ZFHX3: variants seen among roughly 807,000 people sequenced by gnomAD.
The protein encoded by ZFHX3 is zinc finger homeobox 3.
A neutral mutation model predicts 279.1 loss-of-function variants in ZFHX3; 42 were observed. The observed-to-expected ratio is 0.15, with a 90% CI of 0.12 to 0.19. The LOEUF (loss-of-function observed/expected upper bound fraction) is 0.19, where lower values mean the gene tolerates loss of function less well. Ranked by LOEUF, ZFHX3 falls within the 10% of genes least tolerant of loss-of-function variation. The pLI is 1.00. For missense variants in ZFHX3, 4,981 were observed against 4,754.0 expected (o/e 1.05, Z -1.40); for synonymous variants, 2,293 against 1,957.8 (o/e 1.17, Z -4.52).
chr16:73,190,457 A>G (rs1338903996), intron 5 of ZFHX3, among the ~76,000 whole-genome samples: 1 of 152,208 alleles, frequency 6.6e-6, no homozygotes, highest in Non-Finnish European at 1.5e-5. Context: ...AAAGAAGAAC[A>G]ATTTCAGTTT....
At chr16:72,890,825 C>T (rs1307274492) in intron 3 of ZFHX3, among the ~76,000 whole-genome samples, 2 of 152,252 alleles carry the variant, frequency 1.3e-5, no homozygotes, top group Non-Finnish European at 2.9e-5. Flanking sequence ...CATTGATTTA[C>T]ATACTGTCTA....
chr16:73,680,837 G>T (rs2053002738), intron 1 of ZFHX3, among the ~76,000 whole-genome samples: 2 of 152,106 alleles, frequency 1.3e-5, no homozygotes, highest in East Asian at 3.9e-4. Context: ...CTTCATCTGT[G>T]CGTGTGAGTG....
At chr16:73,081,086 C>A (rs1005752703) in intron 8 of ZFHX3, among the ~76,000 whole-genome samples, 2 of 152,150 alleles carry the variant, frequency 1.3e-5, no homozygotes, top group Admixed American at 6.5e-5. Flanking sequence ...CTTTTGAATT[C>A]TTTATCTTGC....
chr16:73,763,618 C>T (rs2053895755), intron 1 of ZFHX3, among the ~76,000 whole-genome samples: 1 of 152,168 alleles, frequency 6.6e-6, no homozygotes, highest in South Asian at 2.1e-4. Flanking sequence ...CAATGAGTCA[C>T]ACTCTCATAT....
chr16:73,086,697 G>A (rs902353602), intron 8 of ZFHX3, among the ~76,000 whole-genome samples: 3 of 152,104 alleles, frequency 2.0e-5, no homozygotes, highest in Non-Finnish European at 2.9e-5. Context: ...GAATACAGGA[G>A]TTCAAGACCA....
intron 3 of ZFHX3, among the ~76,000 whole-genome samples, chr16:73,408,865 C>G (rs1412990779): frequency 6.6e-6 from 1 of 152,032 alleles, no homozygotes; most frequent in Non-Finnish European, 1.5e-5. Flanking sequence ...TCCAGCGAGG[C>G]AACCGAAGTT....
intron 2 of ZFHX3, among the ~76,000 whole-genome samples, chr16:73,602,817 G>A (rs932384539): frequency 5.4e-5 from 8 of 148,786 alleles, no homozygotes; most frequent in African/African-American, 1.3e-4. Context: ...CGTGGTAGCG[G>A]GCACCTGTAA....
chr16:73,746,511 C>T (rs1038361461), intron 1 of ZFHX3, among the ~76,000 whole-genome samples: 1 of 152,198 alleles, frequency 6.6e-6, no homozygotes, highest in African/African-American at 2.4e-5. Context: ...CCAGGGCCAA[C>T]AATTAGAAAA....
At chr16:73,333,297 C>G (rs111072694) in intron 3 of ZFHX3, among the ~76,000 whole-genome samples, 21,023 of 151,884 alleles carry the variant, frequency 0.14, 3,144 homozygotes, top group East Asian at 0.36. Flanking sequence ...ACGTAGTAGA[C>G]AGACACATAA....
chr16:73,030,828 T>C (rs944220470), intron 1 of ZFHX3, among the ~76,000 whole-genome samples: 4 of 152,154 alleles, frequency 2.6e-5, no homozygotes, highest in Admixed American at 2.0e-4. Flanking sequence ...AGGGATTCCA[T>C]TTTCCATAAA....
chr16:73,516,161 C>G (rs572574677), intron 2 of ZFHX3, among the ~76,000 whole-genome samples: 3 of 152,148 alleles, frequency 2.0e-5, no homozygotes, highest in South Asian at 2.1e-4. Context: ...ACAAGTCACA[C>G]GAATTGCTAA....
At chr16:73,392,639 A>G (rs1411672100) in intron 3 of ZFHX3, among the ~76,000 whole-genome samples, 2 of 142,686 alleles carry the variant, frequency 1.4e-5, no homozygotes, top group African/African-American at 5.9e-5. Flanking sequence ...TGTGTATGTA[A>G]GTAACTTTGA....
intron 3 of ZFHX3, among the ~76,000 whole-genome samples, chr16:73,437,913 T>G (rs1037310052): frequency 6.6e-6 from 1 of 152,206 alleles, no homozygotes; most frequent in Admixed American, 6.5e-5. Flanking sequence ...CTGTAGTCTT[T>G]CTTATCATCA....
At chr16:73,530,878 C>T (rs147154837) in intron 2 of ZFHX3, among the ~76,000 whole-genome samples, 79 of 152,270 alleles carry the variant, frequency 5.2e-4, no homozygotes, top group Non-Finnish European at 8.1e-4. Flanking sequence ...CAGGTGTGGA[C>T]GTGAATTGAA....
intron 1 of ZFHX3, among the ~76,000 whole-genome samples, chr16:73,762,153 C>A (rs184291931): frequency 5.3e-5 from 8 of 151,506 alleles, no homozygotes; most frequent in Middle Eastern, 3.4e-3. Flanking sequence ...AAAAACAACA[C>A]CATTAAAAAG....
intron 5 of ZFHX3, among the ~76,000 whole-genome samples, chr16:73,165,182 C>A (rs1239176030): frequency 2.0e-5 from 3 of 152,160 alleles, no homozygotes; most frequent in Non-Finnish European, 2.9e-5. Flanking sequence ...AGAGGGAACA[C>A]AGGGAGGGCA....
At chr16:73,722,294 C>T (rs911153912) in intron 1 of ZFHX3, among the ~76,000 whole-genome samples, 1 of 152,148 alleles carries the variant, frequency 6.6e-6, no homozygotes, top group Non-Finnish European at 1.5e-5. Context: ...GTTGATGATG[C>T]CTTGAACATT....
chr16:73,779,074 G>T (rs1959359465), intron 1 of ZFHX3, among the ~76,000 whole-genome samples: 1 of 152,146 alleles, frequency 6.6e-6, no homozygotes, highest in African/African-American at 2.4e-5. Context: ...CCAGATGGAA[G>T]CCCCACCAGA....
chr16:73,406,393 G>A (rs1337856020), intron 3 of ZFHX3, among the ~76,000 whole-genome samples: 1 of 152,188 alleles, frequency 6.6e-6, no homozygotes, highest in African/African-American at 2.4e-5. Flanking sequence ...GGACCAATGG[G>A]TACCTTTCTG....
Sources: allele counts gnomAD v4.1 joint callset (sites outside exome capture counted in the v4.1 genomes callset), GRCh38; gene constraint gnomAD v4.1.1; transcripts MANE v1.5; gene names NCBI Gene and HGNC (gene_info 2026-07-23, HGNC 2026-07-21).